The following METRNL variants were observed in gnomAD, a reference collection of about 807,000 sequenced individuals.
The protein encoded by METRNL is meteorin-like protein.
A neutral mutation model predicts 17.4 loss-of-function variants in METRNL; 9 were observed. The observed-to-expected ratio is 0.52, with a 90% confidence interval of 0.31 to 0.90. The LOEUF is 0.90. METRNL is among the 40% of genes least tolerant of loss of function. The probability of loss-of-function intolerance (pLI) is 0.05; values close to 1 mark genes in which losing one functional copy is unlikely to be tolerated. For missense variants in METRNL, 408 were observed against 430.7 expected (o/e 0.95, Z 0.47); for synonymous variants, 215 against 199.3 (o/e 1.08, Z -0.66).
In METRNL at chr17:83,094,770, C is replaced by T. The variant is rs768211613; in HGVS notation, c.*195C>T. 12 of 407,918 alleles carry T rather than the reference C, an allele frequency of 2.9e-5. No homozygotes were observed. The highest frequency in any genetic ancestry group is 5.8e-4 in the Middle Eastern group (1 of 1,734). The allele number at this position is 407,918 out of a possible 1,614,324, so 25.3% of individuals were successfully genotyped here. ...AGCTTCCAGCCAAGGATGCCCTGGCCGATTGGAAATGCTGTAAAATGCAAA... is the reference window on the plus strand; with the variant it reads ...AGCTTCCAGCCAAGGATGCCCTGGCTGATTGGAAATGCTGTAAAATGCAAA... On this transcript the variant is annotated 3_prime_UTR_variant, in exon 4 of 4. Transcript: ENST00000320095.
chr17:83,081,297 C>A (rs1237027688), intron 1 of METRNL, among the ~76,000 whole-genome samples: 2 of 152,162 alleles, frequency 1.3e-5, no homozygotes, highest in Non-Finnish European at 2.9e-5. Context: ...CTCTGCCCGG[C>A]GGGTCGGTGC....
chr17:83,089,472 T>G (rs35702223), intron 2 of METRNL, among the ~76,000 whole-genome samples: 6,872 of 152,200 alleles, frequency 0.045, 209 homozygotes, highest in South Asian at 0.075. Flanking sequence ...GTCCTGCCTC[T>G]CTACTTAACA....
intron 2 of METRNL, among the ~76,000 whole-genome samples, chr17:83,090,881 T>A (rs190104986): frequency 2.0e-4 from 31 of 152,248 alleles, no homozygotes; most frequent in Admixed American, 1.0e-3. Flanking sequence ...TCTGTGCTGC[T>A]GGCCTCTGTC....
intron 2 of METRNL, among the ~76,000 whole-genome samples, chr17:83,088,712 C>G (rs1201392921): frequency 2.0e-5 from 3 of 152,170 alleles, no homozygotes; most frequent in Admixed American, 6.5e-5. Context: ...AACGCCTCCC[C>G]CCTTTAAAAT....
intron 2 of METRNL, among the ~76,000 whole-genome samples, chr17:83,088,915 C>T (rs377430170): frequency 6.6e-6 from 1 of 152,150 alleles, no homozygotes; most frequent in Non-Finnish European, 1.5e-5. Flanking sequence ...CCAAGGCGTC[C>T]CATCTCTCGT....
At chr17:83,082,193 A>G in intron 1 of METRNL, 1 of 985,484 alleles carries the variant, frequency 1.0e-6, no homozygotes, top group South Asian at 4.7e-5. Flanking sequence ...CAGCCCGGGC[A>G]TCGCAGGTGC....
chr17:83,092,924 G>A (rs571605408), intron 2 of METRNL, among the ~76,000 whole-genome samples: 3 of 152,256 alleles, frequency 2.0e-5, no homozygotes, highest in African/African-American at 4.8e-5. Context: ...AGGTGGGGCC[G>A]AGGGGTCCCC....
intron 1 of METRNL, among the ~76,000 whole-genome samples, chr17:83,081,136 GGCC>G (rs1462553795): frequency 6.6e-6 from 1 of 151,826 alleles, no homozygotes; most frequent in African/African-American, 2.4e-5. Flanking sequence ...TCCCGGGAGC[GGCC>G]GCCTCCCTTC....
chr17:83,083,423 T>C (rs2038012570), intron 1 of METRNL, among the ~76,000 whole-genome samples: 1 of 152,180 alleles, frequency 6.6e-6, no homozygotes, highest in African/African-American at 2.4e-5. Context: ...GACGTGACGA[T>C]GAGGCTGCAT....
rs377284675 is a variant in METRNL, at chr17:83,094,278, A to G, written c.639A>G (p.Gln213=). The change falls in exon 4 of 4, where the codon CAA becomes CAG. Residue 213 remains glutamine (Q), a synonymous_variant. Transcript: ENST00000320095. ...SDFAVRGSIQ[Q]VTHEPERQDS... is the part of the protein sequence containing the mutation. The stretch of plus-strand genomic sequence containing the variant: ...CAGCCGTTCGAGGCTCCATCCAGCA[A>G]GTTACCCACGAGCCTGAGCGGCAGG... The G allele has an allele frequency of 1.5e-4, 245 of 1,581,330 alleles. No individual in the cohort carries two copies. The highest frequency in any genetic ancestry group is 1.9e-4 in the Non-Finnish European group (225 of 1,156,278).
chr17:83,090,993 C>T (rs1438684713), intron 2 of METRNL, among the ~76,000 whole-genome samples: 1 of 152,164 alleles, frequency 6.6e-6, no homozygotes, highest in East Asian at 1.9e-4. Flanking sequence ...GTGGGCCACA[C>T]CCCGGGGCCC....
At chr17:83,093,463 A>C (rs1305488623) in intron 3 of METRNL, among the ~76,000 whole-genome samples, 7 of 152,078 alleles carry the variant, frequency 4.6e-5, no homozygotes, top group Non-Finnish European at 8.8e-5. Context: ...ACTGTCAAAC[A>C]TTTTCCCATT....
intron 3 of METRNL, 22 bp downstream of exon 3, chr17:83,093,248 T>TCTACCTC (rs776516976): frequency 6.3e-7 from 1 of 1,598,784 alleles, no homozygotes; most frequent in Non-Finnish European, 8.5e-7. Context: ...CTCGGCAGCT[T>TCTACCTC]CTACCTCCTG....
In METRNL at chr17:83,085,223, C is replaced by T. The variant is rs370935505; in HGVS notation, c.456C>T (p.Phe152=). Residue 152 remains phenylalanine, a synonymous_variant, in exon 2 of 4, where the codon TTC becomes TTT. Coordinates refer to ENST00000320095, the MANE Select transcript of METRNL (RefSeq NM_001004431.3). ...QCFGLEQGGL[F]VEATPQQDIG... ...TTGGCCTGGAGCAGGGCGGCCTGTTCGTGGAGGCCACGCCGCAGCAGGATA... is the reference window on the plus strand; with the variant it reads ...TTGGCCTGGAGCAGGGCGGCCTGTTTGTGGAGGCCACGCCGCAGCAGGATA... 9 of 1,598,726 alleles carry T rather than the reference C, an allele frequency of 5.6e-6. No homozygotes were observed. In the African/African-American group the frequency reaches 9.4e-5, roughly 17 times the overall value.
Position 83,095,023 on chromosome 17 carries a change from T to TA in METRNL, c.*449dup, listed in dbSNP as rs2038187646. The TA allele has an allele frequency of 6.0e-6, 1 of 165,872 alleles. No homozygotes were observed. Among genetic ancestry groups the TA allele is most frequent in the Admixed American group, 6.4e-5 (1 of 15,614 alleles). 10.3% of individuals were successfully genotyped at this position (165,872 alleles called of 1,614,324 possible). A position where few individuals can be genotyped will look rare whatever the true frequency, so the allele number is the denominator to read the frequency against. On this transcript the variant is annotated 3_prime_UTR_variant, in exon 4 of 4. Coordinates refer to ENST00000320095, the MANE Select transcript of METRNL (RefSeq NM_001004431.3). ...TGACGGAAGTTTTGGAGCCAAATAA[T>TA]ACGTTTTTTATTTTCATTTTATTTT...
intron 2 of METRNL, among the ~76,000 whole-genome samples, chr17:83,087,706 GCCTCCCGTT>G (rs1244010774): frequency 6.6e-6 from 1 of 152,130 alleles, no homozygotes; most frequent in African/African-American, 2.4e-5. Context: ...GGTTTCCCTT[GCCTCCCGTT>G]CCTGCACTTG....
intron 1 of METRNL, among the ~76,000 whole-genome samples, chr17:83,083,129 C>T (rs1467925388): frequency 2.6e-5 from 4 of 152,342 alleles, no homozygotes; most frequent in Middle Eastern, 3.4e-3. Context: ...CCACCAGATG[C>T]GGGTAGCATG....
chr17:83,081,322 G>A (rs1313202182), intron 1 of METRNL, among the ~76,000 whole-genome samples: 2 of 152,128 alleles, frequency 1.3e-5, no homozygotes, highest in East Asian at 3.9e-4. Context: ...CCGAACCGAG[G>A]CCCGGGGCGT....
rs1386235784 is a variant in METRNL at position 83,095,104 on chromosome 17, A to G, written c.*529A>G. 2 of 152,322 alleles carry G rather than the reference A, an allele frequency of 1.3e-5. No individual in the cohort carries two copies. Among genetic ancestry groups the G allele is most frequent in the African/African-American group, 4.8e-5 (2 of 41,442 alleles). The allele number at this position is 152,322 out of a possible 1,614,324, so 9.4% of individuals were successfully genotyped here. ...GCCGGTTGTTTCCGTTCCCGAGAAT[A>G]AAGACGAGGATCCGACCAGCCAGAA... On this transcript the variant is annotated 3_prime_UTR_variant, in exon 4 of 4. Transcript: ENST00000320095.
Sources: allele counts gnomAD v4.1 joint callset (sites outside exome capture counted in the v4.1 genomes callset), GRCh38; gene constraint gnomAD v4.1.1; transcripts MANE v1.5; gene names NCBI Gene and HGNC (gene_info 2026-07-23, HGNC 2026-07-21).